UBIAD1: variants seen among roughly 807,000 people sequenced by gnomAD.
UBIAD1 encodes the protein ubiA prenyltransferase domain-containing protein 1.
A neutral mutation model predicts 20.1 loss-of-function variants in UBIAD1; 12 were observed. The ratio of observed to expected loss-of-function variants is 0.60; its 90% CI spans 0.38 to 0.97. The LOEUF is 0.97. Ranked by LOEUF, UBIAD1 falls within the 50% of genes least tolerant of loss-of-function variation. The pLI is 0.00. For missense variants in UBIAD1, 333 were observed against 419.5 expected, an observed-to-expected ratio of 0.79 and a Z score of 1.80; for synonymous variants, 207 against 189.2, an observed-to-expected ratio of 1.09 and a Z score of -0.77.
chr1:11,287,549 T>A lies in UBIAD1; in HGVS notation c.*1418T>A, dbSNP rs559868049. On this transcript the variant is annotated 3_prime_UTR_variant, in exon 2 of 2. Coordinates refer to ENST00000376810, the MANE Select transcript of UBIAD1 (RefSeq NM_013319.3). Reference sequence around the variant, plus strand: ...CTGCAGAAAATGATGTAAGAACTAGTTCTTAATCTTTCAGATCAAGCTAAT... The same window carrying A: ...CTGCAGAAAATGATGTAAGAACTAGATCTTAATCTTTCAGATCAAGCTAAT... 1.3e-5 allele frequency: 2 copies of A among 152,358 alleles called. No individual in the cohort carries two copies. The highest frequency in any genetic ancestry group is 4.1e-4 in the South Asian group (2 of 4,830). 9.4% of individuals were successfully genotyped at this position (152,358 alleles called of 1,614,324 possible).
rs193055719 is a variant in UBIAD1, at chr1:11,288,221, C to T, written c.*2090C>T. 3 of 152,314 alleles carry T rather than the reference C, an allele frequency of 2.0e-5. No individual in the cohort carries two copies. The highest frequency in any genetic ancestry group is 4.8e-5 in the African/African-American group (2 of 41,572). 9.4% of individuals were successfully genotyped at this position (152,314 alleles called of 1,614,324 possible). A position where few individuals can be genotyped will look rare whatever the true frequency, so the allele number is the denominator to read the frequency against. Reference sequence around the variant, plus strand: ...AAGGGCTCCCTGCGTCCACGGACCACGTATGCCTTGGTGGTCACTCCCATC... The same window carrying T: ...AAGGGCTCCCTGCGTCCACGGACCATGTATGCCTTGGTGGTCACTCCCATC... On this transcript the variant is annotated 3_prime_UTR_variant, in exon 2 of 2. Transcript: ENST00000376810.
downstream of UBIAD1, among the ~76,000 whole-genome samples, chr1:11,297,469 T>A (rs548324398): frequency 4.0e-5 from 6 of 151,152 alleles, no homozygotes; most frequent in African/African-American, 1.2e-4. Context: ...TTTGCTATAG[T>A]AGCCTGAATG....
At chr1:11,275,582 A>G (rs900092467) in intron 1 of UBIAD1, among the ~76,000 whole-genome samples, 6 of 152,070 alleles carry the variant, frequency 3.9e-5, no homozygotes, top group African/African-American at 1.4e-4. Context: ...TATAAAATAT[A>G]AAATAAAAAA....
In UBIAD1 at chr1:11,285,557, C is replaced by T. The variant is rs1176257657; in HGVS notation, c.530-87C>T. 39 of 1,594,998 alleles carry T rather than the reference C, an allele frequency of 2.4e-5. No homozygotes were observed. The highest frequency in any genetic ancestry group is 1.3e-4 in the South Asian group (12 of 90,032). On this transcript the variant is annotated intron_variant, in intron 1 of 1. Coordinates refer to ENST00000376810, the MANE Select transcript of UBIAD1 (RefSeq NM_013319.3). This position sits in a 1 kb window ranked among gnomAD's most constrained non-coding sequence, Gnocchi z 4.4. Reference sequence around the variant, plus strand: ...AGTCTAAGGATTTACCATTTTCAGCCGGAAGTGGCCTGCCTCTTCACTGGT... The same window carrying T: ...AGTCTAAGGATTTACCATTTTCAGCTGGAAGTGGCCTGCCTCTTCACTGGT...
At chr1:11,291,892 T>A (rs908062039), downstream of UBIAD1, among the ~76,000 whole-genome samples, 44 of 152,124 alleles carry the variant, frequency 2.9e-4, no homozygotes, top group Admixed American at 3.3e-4. Context: ...CTTTTTTTTT[T>A]AAAACTTTTT....
chr1:11,291,606 C>CAAAAAAA (rs771883369), downstream of UBIAD1, among the ~76,000 whole-genome samples: 1 of 56,376 alleles, frequency 1.8e-5, no homozygotes, highest in African/African-American at 5.7e-5. Flanking sequence ...GACTTCATCT[C>CAAAAAAA]AAAAAAAAAA....
downstream of UBIAD1, among the ~76,000 whole-genome samples, chr1:11,289,740 A>G (rs1638334242): frequency 6.7e-6 from 1 of 149,300 alleles, no homozygotes. Context: ...ATTTTTGTAT[A>G]TATATGTTTT....
chr1:11,296,670 C>T (rs1003795681), downstream of UBIAD1, among the ~76,000 whole-genome samples: 3 of 152,140 alleles, frequency 2.0e-5, no homozygotes, highest in African/African-American at 7.2e-5. Flanking sequence ...CAGGCTTGCA[C>T]CACCATGCCC....
chr1:11,291,689 G>A (rs2788542), downstream of UBIAD1, among the ~76,000 whole-genome samples: 1,765 of 151,964 alleles, frequency 0.012, 48 homozygotes, highest in African/African-American at 0.04. Flanking sequence ...GTGTGTGCAC[G>A]CGTGTGTGTT....
chr1:11,294,776 G>A (rs531467592), intron 1 of UBIAD1: 1 of 716,774 alleles, frequency 1.4e-6, no homozygotes, highest in East Asian at 2.7e-5. Flanking sequence ...AGTGGCTCCT[G>A]CCTACCCACG....
downstream of UBIAD1, among the ~76,000 whole-genome samples, chr1:11,297,582 G>C (rs1193969434): frequency 6.6e-6 from 1 of 152,212 alleles, no homozygotes. Flanking sequence ...TGACCCATCT[G>C]CAGCCCTTCT....
chr1:11,298,696 A>G (rs1463187038), downstream of UBIAD1, among the ~76,000 whole-genome samples: 1 of 152,232 alleles, frequency 6.6e-6, no homozygotes, highest in Non-Finnish European at 1.5e-5. This position sits in a 1 kb window ranked among gnomAD's most constrained non-coding sequence, Gnocchi z 4.0. Context: ...TGCAGTTATT[A>G]TCCTGGGTAT....
rs770112579 is a variant in UBIAD1, at chr1:11,273,528, T to C, written c.-4T>C. On this transcript the variant is annotated 5_prime_UTR_variant, in exon 1 of 2. Transcript: ENST00000376810. This position sits in a 1 kb window ranked among gnomAD's most constrained non-coding sequence, Gnocchi z 4.9. ...AGAGTTTACTTCAACCACGTGGAGC[T>C]TCCATGGCGGCCTCTCAGGTCCTGG... The C allele has an allele frequency of 1.4e-5, 22 of 1,611,628 alleles. No homozygotes were observed. Among genetic ancestry groups the C allele is most frequent in the Non-Finnish European group, 1.8e-5 (21 of 1,180,030 alleles).
downstream of UBIAD1, among the ~76,000 whole-genome samples, chr1:11,298,569 AAAATAAATAAATAAAT>A (rs368913011): frequency 8.3e-5 from 12 of 145,048 alleles, no homozygotes; most frequent in East Asian, 4.1e-4. The surrounding 1 kb of genome is among the most constrained non-coding windows in gnomAD (Gnocchi z 4.0). Flanking sequence ...CCTGTCTCCA[AAAATAAATAAATAAAT>A]AAATAAATAA....
Position 11,285,640 on chromosome 1 carries a change from G to T in UBIAD1, c.530-4G>T. ...CACCAACTCTCTGGATTTTCTGGCC[G>T]CAGGAATTGGATTCAAGTACGTGGC... On this transcript the variant is annotated splice_polypyrimidine_tract_variant and splice_region_variant and intron_variant, in intron 1 of 1. Coordinates refer to ENST00000376810, the MANE Select transcript of UBIAD1 (RefSeq NM_013319.3). The surrounding 1 kb of genome is among the most constrained non-coding windows in gnomAD (Gnocchi z 4.4). 1.2e-6 allele frequency: 2 copies of T among 1,614,036 alleles called. No homozygotes were observed. Among genetic ancestry groups the T allele is most frequent in the Non-Finnish European group, 1.7e-6 (2 of 1,180,016 alleles).
downstream of UBIAD1, among the ~76,000 whole-genome samples, chr1:11,288,744 CA>C (rs1015635841): frequency 6.6e-6 from 1 of 151,900 alleles, no homozygotes; most frequent in Non-Finnish European, 1.5e-5. Context: ...CCCATCTCTA[CA>C]AAAAAAATTT....
At chr1:11,284,285 C>T (rs1652335527) in intron 1 of UBIAD1, among the ~76,000 whole-genome samples, 1 of 151,998 alleles carries the variant, frequency 6.6e-6, no homozygotes, top group Admixed American at 6.6e-5. Flanking sequence ...TCTGAAGGCT[C>T]TGACGGATTG....
At chr1:11,276,530 G>A (rs112307764) in intron 1 of UBIAD1, among the ~76,000 whole-genome samples, 1,706 of 151,972 alleles carry the variant, frequency 0.011, 44 homozygotes, top group African/African-American at 0.038. Flanking sequence ...CAGGCGTGGT[G>A]GCATGTGCCT....
downstream of UBIAD1, among the ~76,000 whole-genome samples, chr1:11,298,140 G>T (rs1424879997): frequency 6.6e-6 from 1 of 151,896 alleles, no homozygotes; most frequent in Non-Finnish European, 1.5e-5. This position sits in a 1 kb window ranked among gnomAD's most constrained non-coding sequence, Gnocchi z 4.0. Context: ...TGTATTTTTA[G>T]TAGAGAAGGG....
Sources: allele counts gnomAD v4.1 joint callset (sites outside exome capture counted in the v4.1 genomes callset), GRCh38; gene constraint gnomAD v4.1.1; non-coding constraint Gnocchi (gnomAD v3.1); transcripts MANE v1.5; gene names NCBI Gene and HGNC (gene_info 2026-07-23, HGNC 2026-07-21).